Variants in STAG1 observed in about 807,000 individuals in gnomAD.
STAG1 encodes the protein STAG1 cohesin complex component.
In STAG1, 26 loss-of-function variants were observed where a neutral mutation model predicts 170.9. The ratio of observed to expected loss-of-function variants is 0.15; its 90% CI spans 0.11 to 0.21. The LOEUF is 0.21. Among genes scored for constraint, STAG1 ranks in the 10% least tolerant of loss-of-function variants. STAG1 has a pLI of 1.00. For synonymous variants in STAG1, 514 were observed against 497.7 expected (o/e 1.03, Z -0.44); for missense variants, 964 against 1,509.5 (o/e 0.64, Z 5.99).
intron 4 of STAG1, among the ~76,000 whole-genome samples, chr3:136,585,795 A>G (rs1439896584): frequency 6.6e-6 from 1 of 152,130 alleles, no homozygotes; most frequent in Admixed American, 6.5e-5. Context: ...AGCTAAGACT[A>G]AAACCTAGCA....
intron 9 of STAG1, among the ~76,000 whole-genome samples, chr3:136,488,429 A>G (rs1435136507): frequency 6.6e-6 from 1 of 152,194 alleles, no homozygotes; most frequent in African/African-American, 2.4e-5. Flanking sequence ...AGCCTGAGAT[A>G]AATATTTGAC....
At chr3:136,423,483 G>A (rs184494980) in intron 16 of STAG1, among the ~76,000 whole-genome samples, 1 of 151,992 alleles carries the variant, frequency 6.6e-6, no homozygotes, top group Non-Finnish European at 1.5e-5. Flanking sequence ...AATATCTCTG[G>A]ATTCATTTAC....
intron 33 of STAG1, 26 bp from the exon 34 acceptor site, chr3:136,338,303 TA>T (rs751485802): frequency 6.0e-6 from 8 of 1,339,928 alleles, no homozygotes; most frequent in Non-Finnish European, 8.4e-6. Context: ...GAAACATAAT[TA>T]TTAATTTCAT....
At chr3:136,469,486 G>C (rs1284756979) in intron 12 of STAG1, among the ~76,000 whole-genome samples, 2 of 152,152 alleles carry the variant, frequency 1.3e-5, no homozygotes, top group Non-Finnish European at 2.9e-5. Flanking sequence ...AATAAAAGAC[G>C]ACACAAACAA....
intron 4 of STAG1, among the ~76,000 whole-genome samples, chr3:136,598,053 CT>C (rs1239503075): frequency 6.6e-6 from 1 of 152,004 alleles, no homozygotes; most frequent in African/African-American, 2.4e-5. Flanking sequence ...TAAGTATAGG[CT>C]TTTTTCTCCT....
At chr3:136,557,430 A>T (rs1342600944) in intron 5 of STAG1, among the ~76,000 whole-genome samples, 1 of 152,228 alleles carries the variant, frequency 6.6e-6, no homozygotes, top group Non-Finnish European at 1.5e-5. Flanking sequence ...CCTAAATTTG[A>T]AGGACTAACC....
At chr3:136,671,778 A>G (rs542934834) in intron 1 of STAG1, among the ~76,000 whole-genome samples, 94 of 152,128 alleles carry the variant, frequency 6.2e-4, no homozygotes, top group Non-Finnish European at 1.2e-3. Flanking sequence ...GTTATTTTGC[A>G]GGCTGAGGTG....
At chr3:136,603,007 C>A (rs1268885447) in intron 4 of STAG1, among the ~76,000 whole-genome samples, 1 of 152,130 alleles carries the variant, frequency 6.6e-6, no homozygotes, top group Admixed American at 6.5e-5. Flanking sequence ...CCACCTCCTT[C>A]CCTGCCCACA....
chr3:136,470,383 T>A (rs1227410697), intron 12 of STAG1, among the ~76,000 whole-genome samples: 1 of 152,222 alleles, frequency 6.6e-6, no homozygotes, highest in Admixed American at 6.5e-5. Flanking sequence ...ACACGTGAAA[T>A]AATGCTCATC....
At chr3:136,704,005 C>T (rs546364947) in intron 1 of STAG1, among the ~76,000 whole-genome samples, 71 of 151,148 alleles carry the variant, frequency 4.7e-4, no homozygotes, top group Non-Finnish European at 3.1e-4. Context: ...GAGCAAGACT[C>T]CATCTCAAAA....
chr3:136,744,568 G>A lies in STAG1; in HGVS notation c.-84+7627C>T, dbSNP rs374008146. 2.6e-4 allele frequency among the ~76,000 whole-genome samples: 40 copies of A among 151,940 alleles called. 1 individual carries two copies. The highest frequency in any genetic ancestry group is 9.7e-4 in the African/African-American group (40 of 41,332). ...TGGAAGTGAAATGGTTTCTTCTCAT[G>A]GCTCTACTTTGCACTTTCCTTTTTA... is the stretch of plus-strand genomic sequence containing the variant. On this transcript the variant is annotated intron_variant, in intron 1 of 33. Transcript: ENST00000383202.
At chr3:136,667,892 T>C (rs1941844491) in intron 1 of STAG1, among the ~76,000 whole-genome samples, 1 of 152,108 alleles carries the variant, frequency 6.6e-6, no homozygotes, top group Non-Finnish European at 1.5e-5. Flanking sequence ...TCAGGTTCTC[T>C]AGAAAGTAGA....
At chr3:136,543,848 G>A (rs1224744916) in intron 5 of STAG1, among the ~76,000 whole-genome samples, 3 of 152,132 alleles carry the variant, frequency 2.0e-5, no homozygotes, top group Admixed American at 6.5e-5. Flanking sequence ...CATTGCACCT[G>A]TAACATAAAA....
At chr3:136,506,148 A>C (rs1395318480) in intron 7 of STAG1, among the ~76,000 whole-genome samples, 1 of 152,156 alleles carries the variant, frequency 6.6e-6, no homozygotes, top group Non-Finnish European at 1.5e-5. Context: ...GTGTGACCAG[A>C]GTATAGGACA....
At chr3:136,431,038 G>A (rs1346798879) in intron 16 of STAG1, among the ~76,000 whole-genome samples, 1 of 151,872 alleles carries the variant, frequency 6.6e-6, no homozygotes, top group African/African-American at 2.4e-5. Flanking sequence ...CGAGTAGCTG[G>A]GATTACAGGC....
At chr3:136,586,453 A>G (rs550964594) in intron 4 of STAG1, among the ~76,000 whole-genome samples, 95 of 152,372 alleles carry the variant, frequency 6.2e-4, no homozygotes, top group African/African-American at 2.2e-3. Context: ...GTTTGAAATC[A>G]GCAAGTACAG....
chr3:136,655,994 T>G (rs1416771104), intron 1 of STAG1, among the ~76,000 whole-genome samples: 2 of 152,150 alleles, frequency 1.3e-5, no homozygotes, highest in African/African-American at 4.8e-5. Context: ...AGTAACATTA[T>G]TCACAGTACT....
At chr3:136,454,262 T>G (rs997810647) in intron 13 of STAG1, among the ~76,000 whole-genome samples, 3 of 152,052 alleles carry the variant, frequency 2.0e-5, no homozygotes, top group African/African-American at 7.2e-5. Flanking sequence ...TATTTTCTAG[T>G]AGAGACAGGG....
chr3:136,589,532 A>C (rs1938036934), intron 4 of STAG1, among the ~76,000 whole-genome samples: 1 of 150,656 alleles, frequency 6.6e-6, no homozygotes, highest in African/African-American at 2.4e-5. Flanking sequence ...AAAACAAAAA[A>C]TAGGCCAGAC....
Sources: allele counts gnomAD v4.1 joint callset (sites outside exome capture counted in the v4.1 genomes callset), GRCh38; gene constraint gnomAD v4.1.1; transcripts MANE v1.5; gene names NCBI Gene and HGNC (gene_info 2026-07-23, HGNC 2026-07-21).